Variants in ADAM22 observed in about 807,000 individuals in gnomAD.
The protein encoded by ADAM22 is disintegrin and metalloproteinase domain-containing protein 22.
A neutral mutation model predicts 144.6 loss-of-function variants in ADAM22; 65 were observed. That is an observed-to-expected ratio of 0.45 (90% CI 0.37 to 0.55). The LOEUF is 0.55. Among genes scored for constraint, ADAM22 ranks in the 20% least tolerant of loss-of-function variants. The pLI is 0.00. For synonymous variants in ADAM22, 391 were observed against 412.6 expected (o/e 0.95, Z 0.63); for missense variants, 974 against 1,184.9 (o/e 0.82, Z 2.61).
intron 3 of ADAM22, among the ~76,000 whole-genome samples, chr7:88,018,699 C>T (rs545258294): frequency 3.3e-5 from 5 of 152,144 alleles, no homozygotes; most frequent in African/African-American, 9.7e-5. Flanking sequence ...ATGGTATGTT[C>T]GCTTCCTATT....
Position 88,171,659 on chromosome 7 carries a change from TTTTTATGTATAATAATCA to T in ADAM22, c.2300+100_2300+117del. On this transcript the variant is annotated intron_variant, in intron 26 of 31. Coordinates refer to ENST00000413139, the MANE Select transcript of ADAM22 (RefSeq NM_001324418.2). Reference sequence around the variant, plus strand: ...TGCAATTATAATTAAGTTCACTTTGTTTTTATGTATAATAATCATACACTAATCGATTTTTCATTATCT... The same window carrying T: ...TGCAATTATAATTAAGTTCACTTTGTTACACTAATCGATTTTTCATTATCT... 2.7e-6 allele frequency: 3 copies of T among 1,104,618 alleles called. No individual in the cohort carries two copies. In the South Asian group the frequency reaches 5.0e-5, roughly 18 times the overall value. The allele number at this position is 1,104,618 out of a possible 1,614,324, so 68.4% of individuals were successfully genotyped here.
chr7:88,039,464 A>AATATATATATAT (rs1554420479), intron 3 of ADAM22, among the ~76,000 whole-genome samples: 45 of 76,192 alleles, frequency 5.9e-4, no homozygotes, highest in African/African-American at 1.8e-3. Context: ...AAAAAAAAAA[A>AATATATATATAT]ATATATATAT....
intron 7 of ADAM22, among the ~76,000 whole-genome samples, chr7:88,119,603 C>T (rs1828727740): frequency 6.6e-6 from 1 of 152,156 alleles, no homozygotes; most frequent in African/African-American, 2.4e-5. Flanking sequence ...GTTCTCCTGC[C>T]TCAGGCTCCC....
chr7:88,149,061 A>G lies in ADAM22; in HGVS notation c.1566+4A>G, dbSNP rs745488285. On this transcript the variant is annotated splice_donor_region_variant and intron_variant, in intron 18 of 31. Coordinates refer to ENST00000413139, the MANE Select transcript of ADAM22 (RefSeq NM_001324418.2). ...GTGCTCAGGAAATTCAAGCCAGGTA[A>G]TTTACAAAATAACTGCTCTAAAACT... 1.2e-6 allele frequency: 2 copies of G among 1,609,804 alleles called. No individual in the cohort carries two copies. The highest frequency in any genetic ancestry group is 3.3e-5 in the Admixed American group (2 of 59,858).
intron 2 of ADAM22, among the ~76,000 whole-genome samples, chr7:87,945,472 C>T (rs1843463378): frequency 6.6e-6 from 1 of 151,490 alleles, no homozygotes; most frequent in Non-Finnish European, 1.5e-5. Flanking sequence ...ACAAATTTGC[C>T]AGTATGCTGA....
chr7:88,023,205 A>G (rs994248435), intron 3 of ADAM22, among the ~76,000 whole-genome samples: 8 of 152,202 alleles, frequency 5.3e-5, no homozygotes, highest in African/African-American at 1.7e-4. Flanking sequence ...GGCCTCAGGT[A>G]TGCCTGAATC....
chr7:88,139,322 G>A (rs1467956869), intron 14 of ADAM22, among the ~76,000 whole-genome samples: 3 of 151,996 alleles, frequency 2.0e-5, no homozygotes, highest in Non-Finnish European at 4.4e-5. Flanking sequence ...GGAGGCTGAG[G>A]CAGGAAAATT....
rs1184051196 is a variant in ADAM22, at chr7:88,202,634, T to C, written c.*6143T>C. 6.6e-6 allele frequency: 1 copy of C among 152,238 alleles called. No individual in the cohort carries two copies. The highest frequency in any genetic ancestry group is 2.4e-5 in the African/African-American group (1 of 41,472). 9.4% of individuals were successfully genotyped at this position (152,238 alleles called of 1,614,324 possible). A position where few individuals can be genotyped will look rare whatever the true frequency, so the allele number is the denominator to read the frequency against. Reference sequence around the variant, plus strand: ...TTACTGGGGTTATGGCAAACACCAATGGAAATGTATATGGCAACTGCTTTC... The same window carrying C: ...TTACTGGGGTTATGGCAAACACCAACGGAAATGTATATGGCAACTGCTTTC... On this transcript the variant is annotated 3_prime_UTR_variant, in exon 32 of 32. Transcript: ENST00000413139.
Position 88,058,127 on chromosome 7 carries a change from A to G in ADAM22, c.324-17499A>G, listed in dbSNP as rs1262462466. Among the ~76,000 whole-genome samples, 7 of 152,236 alleles carry G rather than the reference A, an allele frequency of 4.6e-5. No individual in the cohort carries two copies. The East Asian group carries it at 1.2e-3, about 25-fold the overall frequency. ...CATCAATAAAATTTTGGAAGATACA[A>G]GAAGAATGGACAAGTGGTAACTGAC... is the stretch of plus-strand genomic sequence containing the variant. On this transcript the variant is annotated intron_variant, in intron 3 of 31. Transcript: ENST00000413139.
intron 4 of ADAM22, among the ~76,000 whole-genome samples, chr7:88,087,158 A>G (rs1464774975): frequency 1.3e-5 from 2 of 152,192 alleles, no homozygotes; most frequent in East Asian, 3.8e-4. Flanking sequence ...ATACTATACA[A>G]TGTACACCAT....
intron 3 of ADAM22, among the ~76,000 whole-genome samples, chr7:88,030,366 T>A (rs1246130611): frequency 3.9e-5 from 6 of 152,164 alleles, no homozygotes; most frequent in Admixed American, 2.6e-4. Flanking sequence ...TCTGATAGAA[T>A]TTTGAATTCT....
At chr7:88,185,507 C>T (rs184950891) in intron 29 of ADAM22, among the ~76,000 whole-genome samples, 4 of 151,944 alleles carry the variant, frequency 2.6e-5, no homozygotes, top group Admixed American at 6.5e-5. Context: ...AAATAACTTA[C>T]GTTTTATAGA....
chr7:88,092,944 G>T (rs982775925), intron 4 of ADAM22, among the ~76,000 whole-genome samples: 2 of 128,548 alleles, frequency 1.6e-5, no homozygotes, highest in African/African-American at 5.1e-5. Flanking sequence ...TTTCTTTCTG[G>T]TATAAGATTT....
chr7:88,045,586 T>C (rs539968625), intron 3 of ADAM22, among the ~76,000 whole-genome samples: 4 of 152,318 alleles, frequency 2.6e-5, no homozygotes, highest in African/African-American at 9.6e-5. Flanking sequence ...TATAATACAT[T>C]ACTAACTGTA....
At chr7:88,052,167 A>G (rs1457483662) in intron 3 of ADAM22, among the ~76,000 whole-genome samples, 1 of 152,010 alleles carries the variant, frequency 6.6e-6, no homozygotes, top group African/African-American at 2.4e-5. Context: ...GTTGAGTACC[A>G]TGAAGAAAAC....
chr7:88,105,392 T>G (rs1000121575), intron 4 of ADAM22, among the ~76,000 whole-genome samples: 2 of 152,188 alleles, frequency 1.3e-5, no homozygotes, highest in African/African-American at 4.8e-5. Context: ...TGTTGACCTT[T>G]TATGCCTGGC....
intron 3 of ADAM22, among the ~76,000 whole-genome samples, chr7:88,014,690 C>T (rs1343707370): frequency 6.6e-6 from 1 of 152,192 alleles, no homozygotes; most frequent in East Asian, 1.9e-4. Flanking sequence ...TTTCTGGCAA[C>T]ACTGGGCCCT....
rs1004557002 is a variant in ADAM22 at position 88,153,394 on chromosome 7, A to G, written c.1787+68A>G. On this transcript the variant is annotated intron_variant, in intron 21 of 31. Coordinates refer to ENST00000413139, the MANE Select transcript of ADAM22 (RefSeq NM_001324418.2). ...TACAAGTGTACTTTTTTGAGTGACTAGGAAGTTTCTGCTTTCTGCATCACA... is the reference window on the plus strand; with the variant it reads ...TACAAGTGTACTTTTTTGAGTGACTGGGAAGTTTCTGCTTTCTGCATCACA... The G allele has an allele frequency of 5.3e-6, 7 of 1,318,802 alleles. No homozygotes were observed. The African/African-American group carries it at 8.8e-5, about 16-fold the overall frequency. The allele number at this position is 1,318,802 out of a possible 1,614,324, so 81.7% of individuals were successfully genotyped here. A position where few individuals can be genotyped will look rare whatever the true frequency, so the allele number is the denominator to read the frequency against.
chr7:88,077,370 C>T (rs1448621930), intron 4 of ADAM22, among the ~76,000 whole-genome samples: 2 of 152,088 alleles, frequency 1.3e-5, no homozygotes, highest in African/African-American at 4.8e-5. Flanking sequence ...GGTCGGGAGC[C>T]AAGATGGCTG....
Sources: allele counts gnomAD v4.1 joint callset (sites outside exome capture counted in the v4.1 genomes callset), GRCh38; gene constraint gnomAD v4.1.1; transcripts MANE v1.5; gene names NCBI Gene and HGNC (gene_info 2026-07-23, HGNC 2026-07-21).